The following ROBO1 variants were observed in gnomAD, a reference collection of about 807,000 sequenced individuals.
The protein encoded by ROBO1 is roundabout homolog 1.
A neutral mutation model predicts 195.9 loss-of-function variants in ROBO1; 149 were observed. The observed-to-expected ratio is 0.76, with a 90% CI of 0.67 to 0.87. The LOEUF (loss-of-function observed/expected upper bound fraction) is 0.87, where lower values mean the gene tolerates loss of function less well. ROBO1 is among the 40% of genes least tolerant of loss of function. The pLI is 0.00. For synonymous variants in ROBO1, 816 were observed against 733.2 expected, an observed-to-expected ratio of 1.11 and a Z score of -1.82; for missense variants, 1,933 against 2,068.3, an observed-to-expected ratio of 0.93 and a Z score of 1.27.
intron 3 of ROBO1, among the ~76,000 whole-genome samples, chr3:79,064,995 T>C (rs552048947): frequency 6.6e-6 from 1 of 151,428 alleles, no homozygotes; most frequent in South Asian, 2.1e-4. Flanking sequence ...TCTTTGATCT[T>C]AAGTATTAAG....
At chr3:79,587,529 A>C (rs1394037871) in intron 2 of ROBO1, among the ~76,000 whole-genome samples, 1 of 151,638 alleles carries the variant, frequency 6.6e-6, no homozygotes, top group Non-Finnish European at 1.5e-5. Context: ...TGATTTCCTT[A>C]TCTGATTGTT....
intron 22 of ROBO1, among the ~76,000 whole-genome samples, chr3:78,638,715 A>AT (rs1406960788): frequency 6.6e-6 from 1 of 151,938 alleles, no homozygotes; most frequent in Non-Finnish European, 1.5e-5. Flanking sequence ...TACAAAAAAA[A>AT]TTTTTTAAAT....
chr3:79,644,685 G>A (rs745494668), intron 1 of ROBO1, among the ~76,000 whole-genome samples: 2 of 152,100 alleles, frequency 1.3e-5, no homozygotes, highest in Non-Finnish European at 2.9e-5. Context: ...TGGGGACACA[G>A]CCAAATCATA....
At chr3:79,018,256 G>C (rs753797304) in intron 3 of ROBO1, 38 of 855,910 alleles carry the variant, frequency 4.4e-5, no homozygotes, top group Non-Finnish European at 4.3e-5. Context: ...TGCGAACTAG[G>C]AACATTTTCG....
intron 20 of ROBO1, 33 bp downstream of exon 20, chr3:78,647,596 A>G (rs764180148): frequency 1.9e-6 from 3 of 1,598,258 alleles, no homozygotes; most frequent in Admixed American, 1.7e-5. Context: ...CAAACTAACA[A>G]TGGAAAGGAG....
At chr3:78,843,500 G>A (rs2033427783) in intron 4 of ROBO1, among the ~76,000 whole-genome samples, 1 of 151,824 alleles carries the variant, frequency 6.6e-6, no homozygotes, top group Non-Finnish European at 1.5e-5. Flanking sequence ...CCATCACTTG[G>A]TTATACTTGC....
intron 2 of ROBO1, among the ~76,000 whole-genome samples, chr3:79,260,625 A>G (rs1455572207): frequency 6.6e-6 from 1 of 152,146 alleles, no homozygotes; most frequent in Admixed American, 6.5e-5. Context: ...TCTGGTTATT[A>G]GAGAGTTTTA....
chr3:79,460,834 A>G (rs1291679976), intron 2 of ROBO1, among the ~76,000 whole-genome samples: 1 of 151,684 alleles, frequency 6.6e-6, no homozygotes, highest in African/African-American at 2.4e-5. Flanking sequence ...TGCAAGCTGC[A>G]CCTCCCTGGT....
At chr3:79,408,854 G>A (rs994779833) in intron 2 of ROBO1, among the ~76,000 whole-genome samples, 1 of 151,936 alleles carries the variant, frequency 6.6e-6, no homozygotes, top group African/African-American at 2.4e-5. Context: ...TTTTCCAAGA[G>A]CAAAACCATA....
intron 1 of ROBO1, among the ~76,000 whole-genome samples, chr3:79,617,520 A>G (rs966231367): frequency 6.6e-6 from 1 of 152,200 alleles, no homozygotes; most frequent in African/African-American, 2.4e-5. Context: ...AAGGCAGACA[A>G]TTATATACAA....
At chr3:78,607,166 TG>T in intron 28 of ROBO1, 125 bp from the exon 29 acceptor site, 1 of 939,786 alleles carries the variant, frequency 1.1e-6, no homozygotes, top group Non-Finnish European at 1.6e-6. Flanking sequence ...CTAGAATACT[TG>T]AAGGTAACCA....
At chr3:79,234,534 C>T (rs2082374725) in intron 2 of ROBO1, among the ~76,000 whole-genome samples, 1 of 152,050 alleles carries the variant, frequency 6.6e-6, no homozygotes, top group African/African-American at 2.4e-5. Context: ...ATATTCACTG[C>T]AGCACTATTC....
At chr3:79,484,269 T>C (rs950797016) in intron 2 of ROBO1, among the ~76,000 whole-genome samples, 5 of 152,094 alleles carry the variant, frequency 3.3e-5, no homozygotes, top group South Asian at 2.1e-4. Context: ...CTCTGCTTGA[T>C]AAAAGGTCTA....
chr3:79,537,667 T>A (rs1259836706), intron 2 of ROBO1, among the ~76,000 whole-genome samples: 1 of 151,752 alleles, frequency 6.6e-6, no homozygotes, highest in African/African-American at 2.4e-5. Context: ...TTCTCACTCG[T>A]AAGTGGGAGG....
chr3:79,315,379 T>G (rs1177200144), intron 2 of ROBO1, among the ~76,000 whole-genome samples: 1 of 152,236 alleles, frequency 6.6e-6, no homozygotes, highest in Non-Finnish European at 1.5e-5. Context: ...GGAGACCACT[T>G]ACGGGACTGA....
intron 28 of ROBO1, among the ~76,000 whole-genome samples, chr3:78,610,081 T>C (rs1232583976): frequency 6.6e-6 from 1 of 152,154 alleles, no homozygotes; most frequent in Non-Finnish European, 1.5e-5. Context: ...TTTCATGGCT[T>C]ACCATGTTCG....
At chr3:78,616,550 C>A (rs1190350002) in intron 27 of ROBO1, among the ~76,000 whole-genome samples, 1 of 151,982 alleles carries the variant, frequency 6.6e-6, no homozygotes, top group Non-Finnish European at 1.5e-5. Context: ...ATATTCTACA[C>A]TGATAAAAAA....
At chr3:78,938,065 A>G (rs2039915361) in intron 4 of ROBO1, 1 of 154,076 alleles carries the variant, frequency 6.5e-6, no homozygotes, top group African/African-American at 2.4e-5. Flanking sequence ...TGATCCCACT[A>G]CTGATCAGCA....
chr3:79,761,663 C>T (rs901228461), intron 1 of ROBO1, among the ~76,000 whole-genome samples: 2 of 152,178 alleles, frequency 1.3e-5, no homozygotes, highest in Non-Finnish European at 2.9e-5. Context: ...GGCAAATCTG[C>T]CTTTCTGATG....
Sources: allele counts gnomAD v4.1 joint callset (sites outside exome capture counted in the v4.1 genomes callset), GRCh38; gene constraint gnomAD v4.1.1; transcripts MANE v1.5; gene names NCBI Gene and HGNC (gene_info 2026-07-23, HGNC 2026-07-21).